NPHP4: variants seen among roughly 807,000 people sequenced by gnomAD.
The protein encoded by NPHP4 is nephrocystin-4.
A neutral mutation model predicts 155.8 loss-of-function variants in NPHP4; 151 were observed. The ratio of observed to expected loss-of-function variants is 0.97; its 90% CI spans 0.85 to 1.11. The LOEUF (loss-of-function observed/expected upper bound fraction) is 1.11, where lower values mean the gene tolerates loss of function less well. NPHP4 is among the 50% of genes least tolerant of loss of function. NPHP4 has a pLI of 0.00. For missense variants in NPHP4, 1,956 were observed against 1,925.7 expected, an observed-to-expected ratio of 1.02 and a Z score of -0.29; for synonymous variants, 845 against 816.8, an observed-to-expected ratio of 1.03 and a Z score of -0.59.
intron 11 of NPHP4, among the ~76,000 whole-genome samples, chr1:5,913,018 G>A (rs1645265698): frequency 6.6e-6 from 1 of 152,156 alleles, no homozygotes; most frequent in Admixed American, 6.5e-5. Context: ...AGACATGGTG[G>A]CACGCGCCTG....
At position 5,875,049 on chromosome 1, in the gene NPHP4, C is replaced by T. The variant is rs772593921; in HGVS notation, c.2869G>A (p.Ala957Thr). 73 of 1,608,220 alleles carry T rather than the reference C, an allele frequency of 4.5e-5. No individual in the cohort carries two copies. Among genetic ancestry groups the T allele is most frequent in the East Asian group, 2.2e-4 (10 of 44,884 alleles). Residue 957 changes from alanine to threonine, a missense_variant, in exon 21 of 30, where the codon GCC becomes ACC. Ala to Thr is a moderately conservative substitution (Grantham distance 58). Coordinates refer to ENST00000378156, the MANE Select transcript of NPHP4 (RefSeq NM_015102.5). The part of the protein sequence containing the change: ...QHLRDLQVIA[A>T]YRERTKAESI... ...TCGGCCTTCGTGCGTTCCCGGTAGGCGGCGATGACCTGTAGGTCCCGCAAG... is the reference window on the plus strand; with the variant it reads ...TCGGCCTTCGTGCGTTCCCGGTAGGTGGCGATGACCTGTAGGTCCCGCAAG...
At chr1:5,981,811 T>C (rs1348321448) in intron 2 of NPHP4, among the ~76,000 whole-genome samples, 2 of 152,372 alleles carry the variant, frequency 1.3e-5, no homozygotes, top group Middle Eastern at 3.4e-3. Flanking sequence ...ATACCCCATC[T>C]TTTATACATA....
chr1:5,893,213 C>T (rs1005286944), intron 16 of NPHP4, among the ~76,000 whole-genome samples: 10 of 152,122 alleles, frequency 6.6e-5, no homozygotes, highest in Admixed American at 1.3e-4. Context: ...TGTGCGGCAA[C>T]GAGAGAGTGT....
At position 5,969,208 on chromosome 1, in the gene NPHP4, C is replaced by G; in HGVS notation, c.331G>C (p.Glu111Gln). 6.3e-7 allele frequency: 1 copy of G among 1,583,328 alleles called. No homozygotes were observed. Among genetic ancestry groups the G allele is most frequent in the Non-Finnish European group, 8.6e-7 (1 of 1,162,370 alleles). The change falls in exon 4 of 30, where the codon GAA (glutamate) becomes CAA (glutamine). Residue 111 changes from glutamate (E) to glutamine (Q), a missense_variant. By Grantham distance (29) the Glu-to-Gln change is conservative. Coordinates refer to ENST00000378156, the MANE Select transcript of NPHP4 (RefSeq NM_015102.5). ...CGTTTCTTGCCCTCAGCGACCACTT[C>G]CACCACAGCCACGATATGAGGGTGG... is the stretch of plus-strand genomic sequence containing the variant. ...LNHPHIVAVV[E>Q]VVAEGKKRDG...
intron 16 of NPHP4, among the ~76,000 whole-genome samples, chr1:5,900,443 A>G (rs2312464): frequency 0.42 from 63,962 of 151,976 alleles, 13,985 homozygotes; most frequent in East Asian, 0.77. Flanking sequence ...TGCTGGGGGG[A>G]AGAAACCAGT....
In NPHP4 at chr1:5,867,870, C is replaced by T; in HGVS notation, c.3342G>A (p.Lys1114=). The change falls in exon 24 of 30, where the codon AAG becomes AAA. Residue 1114 remains lysine, a synonymous_variant. Transcript: ENST00000378156. This position sits in a 1 kb window ranked among gnomAD's most constrained non-coding sequence, Gnocchi z 4.1. The part of the protein sequence containing the change: ...AKVLFRASGG[K]PIAVLCLTVE... ...CAGTCAGGCAGAGCACGGCGATGGG[C>T]TTGCCACCACTCGCTCGGAACAAGA... 1 of 1,613,938 alleles carries T rather than the reference C, an allele frequency of 6.2e-7. No individual in the cohort carries two copies. Among genetic ancestry groups the T allele is most frequent in the Non-Finnish European group, 8.5e-7 (1 of 1,179,882 alleles).
chr1:5,881,336 C>G (rs956978286), intron 18 of NPHP4: 1 of 152,260 alleles, frequency 6.6e-6, no homozygotes, highest in Non-Finnish European at 1.5e-5. Context: ...CCAGAGCTGG[C>G]TGACGGAGGT....
chr1:5,963,689 C>CT (rs57131022), intron 5 of NPHP4, among the ~76,000 whole-genome samples: 21,699 of 122,814 alleles, frequency 0.18, 1,880 homozygotes, highest in Non-Finnish European at 0.21. Context: ...CTTTTCTTTT[C>CT]TTTTTTTTTT....
chr1:5,959,185 T>C (rs559943849), intron 6 of NPHP4, among the ~76,000 whole-genome samples: 18 of 152,230 alleles, frequency 1.2e-4, no homozygotes, highest in Non-Finnish European at 2.2e-4. Flanking sequence ...TCAGATCCCC[T>C]GCTCACTCGA....
chr1:5,954,519 T>C (rs1031060159), intron 6 of NPHP4, among the ~76,000 whole-genome samples: 3 of 152,220 alleles, frequency 2.0e-5, no homozygotes, highest in African/African-American at 7.2e-5. Flanking sequence ...TGGAACAGAA[T>C]AGAGATTCCA....
chr1:5,964,941 A>ATATATTTTTTTTTTT lies in NPHP4; in HGVS notation c.517+2357_517+2358insAAAAAAAAAAATATA. ...ATTATATATATATATATATATATATATTTTTTTTTTTTGAGGCAGGGTCTC... is the reference window on the plus strand; with the variant it reads ...ATTATATATATATATATATATATATATATATTTTTTTTTTTTTTTTTTTTTTTGAGGCAGGGTCTC... On this transcript the variant is annotated intron_variant, in intron 5 of 29. Coordinates refer to ENST00000378156, the MANE Select transcript of NPHP4 (RefSeq NM_015102.5). Among the ~76,000 whole-genome samples the ATATATTTTTTTTTTT allele has an allele frequency of 1.2e-3, 74 of 59,400 alleles. 1 individual carries two copies. Among genetic ancestry groups the ATATATTTTTTTTTTT allele is most frequent in the Non-Finnish European group, 1.2e-3 (41 of 34,968 alleles). The allele number at this position is 59,400 out of a possible 152,430, so 39.0% of individuals were successfully genotyped here.
In NPHP4 at chr1:5,865,283, G is replaced by T. The variant is rs745843093; in HGVS notation, c.3645-10C>A. On this transcript the variant is annotated splice_polypyrimidine_tract_variant and intron_variant, in intron 26 of 29. Transcript: ENST00000378156. ...CGCCAGCCAGCGATCCCTGCAGTGG[G>T]ATGGGAGCCATCTGCACTTGTCCCG... 8.5e-6 allele frequency: 13 copies of T among 1,535,836 alleles called. No homozygotes were observed. In the African/African-American group the frequency reaches 1.6e-4, roughly 19 times the overall value.
At chr1:5,951,905 G>A (rs1236272009) in intron 7 of NPHP4, among the ~76,000 whole-genome samples, 8 of 152,162 alleles carry the variant, frequency 5.3e-5, no homozygotes, top group Admixed American at 1.3e-4. Flanking sequence ...GGACGGAGCC[G>A]GAGAGGAAAC....
At position 5,873,301 on chromosome 1, in the gene NPHP4, T is replaced by A; in HGVS notation, c.3266A>T (p.Asp1089Val). 6.2e-7 allele frequency: 1 copy of A among 1,613,880 alleles called. No individual in the cohort carries two copies. The highest frequency in any genetic ancestry group is 1.7e-5 in the Admixed American group (1 of 60,018). ...SPGLSNEKGMDAVSPWKSSAV... is the reference protein window; with the variant it reads ...SPGLSNEKGMVAVSPWKSSAV... The stretch of plus-strand genomic sequence containing the variant: ...GCTGGACTTCCAAGGTGACACGGCG[T>A]CCATGCCCTTCTCGTTGCTCAACCC... Residue 1089 changes from aspartate to valine, a missense_variant, in exon 23 of 30, where the codon GAC becomes GTC. Physicochemically the swap from Asp to Val is radical, Grantham distance 152 (BLOSUM62 -3). Transcript: ENST00000378156.
chr1:5,922,167 G>A (rs1000735881), intron 11 of NPHP4, among the ~76,000 whole-genome samples: 2 of 152,194 alleles, frequency 1.3e-5, no homozygotes, highest in African/African-American at 4.8e-5. Flanking sequence ...GCCAAGGGAC[G>A]CAGGTGGCCT....
chr1:5,964,959 A>G lies in NPHP4; in HGVS notation c.517+2340T>C, dbSNP rs1455755473. Among the ~76,000 whole-genome samples the G allele has an allele frequency of 3.3e-4, 4 of 12,076 alleles. 1 individual carries two copies. The highest frequency in any genetic ancestry group is 6.5e-4 in the Non-Finnish European group (4 of 6,154). The allele number at this position is 12,076 out of a possible 152,430, so 7.9% of individuals were successfully genotyped here. ...TATATATATTTTTTTTTTTTGAGGC[A>G]GGGTCTCACCGTCGCCCAGGCTGGA... On this transcript the variant is annotated intron_variant, in intron 5 of 29. Transcript: ENST00000378156.
chr1:5,904,025 A>C (rs1383460309), intron 16 of NPHP4, among the ~76,000 whole-genome samples: 1 of 152,244 alleles, frequency 6.6e-6, no homozygotes, highest in East Asian at 1.9e-4. Flanking sequence ...GGGACAGAAC[A>C]ACACCTTTAT....
chr1:5,912,305 G>A (rs12741889), intron 11 of NPHP4, among the ~76,000 whole-genome samples: 2 of 152,102 alleles, frequency 1.3e-5, no homozygotes, highest in South Asian at 2.1e-4. Flanking sequence ...TTGGGAGGCC[G>A]AGGCGGGTGG....
intron 16 of NPHP4, 117 bp downstream of exon 16, chr1:5,904,500 T>G: frequency 1.3e-6 from 1 of 773,952 alleles, no homozygotes; most frequent in South Asian, 2.1e-5. Flanking sequence ...ACCGTATGAT[T>G]CTAATGTTGC....
Sources: allele counts gnomAD v4.1 joint callset (sites outside exome capture counted in the v4.1 genomes callset), GRCh38; gene constraint gnomAD v4.1.1; non-coding constraint Gnocchi (gnomAD v3.1); transcripts MANE v1.5; gene names NCBI Gene and HGNC (gene_info 2026-07-23, HGNC 2026-07-21).